The following B3GALT1 variants were observed in gnomAD, a reference collection of about 807,000 sequenced individuals.
B3GALT1 encodes the protein beta-1,3-galactosyltransferase 1.
B3GALT1 carries 10 observed loss-of-function variants against 23.2 expected under a neutral mutation model. The observed-to-expected ratio is 0.43, with a 90% confidence interval of 0.27 to 0.73. B3GALT1 has a LOEUF of 0.73. Ranked by LOEUF, B3GALT1 falls within the 30% of genes least tolerant of loss-of-function variation. The probability of loss-of-function intolerance (pLI) is 0.21; values close to 1 mark genes in which losing one functional copy is unlikely to be tolerated. For missense variants in B3GALT1, 299 were observed against 405.4 expected, an observed-to-expected ratio of 0.74 and a Z score of 2.25; for synonymous variants, 156 against 141.5, an observed-to-expected ratio of 1.10 and a Z score of -0.73.
rs574283356 is a variant in B3GALT1 at position 167,836,334 on chromosome 2, G to A, written c.-230+17541G>A. ...AACCAATACAGAGAAGTGCTTAAAG[G>A]AGCTGATGGAGCTGAAAGCCAAGGC... On this transcript the variant is annotated intron_variant, in intron 4 of 4. Transcript: ENST00000392690. Among the ~76,000 whole-genome samples the A allele has an allele frequency of 2.1e-4, 32 of 152,276 alleles. No homozygotes were observed. In the South Asian group the frequency reaches 6.6e-3, roughly 32 times the overall value.
chr2:167,614,300 A>G (rs1435949495), intron 2 of B3GALT1, among the ~76,000 whole-genome samples: 6 of 151,634 alleles, frequency 4.0e-5, no homozygotes, highest in African/African-American at 1.4e-4. Flanking sequence ...AACCCATTCA[A>G]TTTAAAATAA....
At chr2:167,445,310 GC>G (rs1242419895) in intron 1 of B3GALT1, among the ~76,000 whole-genome samples, 1 of 152,214 alleles carries the variant, frequency 6.6e-6, no homozygotes, top group Non-Finnish European at 1.5e-5. Flanking sequence ...TGGAATAAGT[GC>G]GATGTGGTGC....
At chr2:167,325,581 C>T (rs1696879371) in intron 1 of B3GALT1, among the ~76,000 whole-genome samples, 2 of 152,036 alleles carry the variant, frequency 1.3e-5, no homozygotes, top group African/African-American at 2.4e-5. Flanking sequence ...CCTCCAACAT[C>T]GGGGCTTACA....
At chr2:167,397,228 CCTTT>C (rs1698113644) in intron 1 of B3GALT1, among the ~76,000 whole-genome samples, 1 of 151,752 alleles carries the variant, frequency 6.6e-6, no homozygotes, top group African/African-American at 2.4e-5. Context: ...CTCTCTCCTT[CCTTT>C]CTTCCCTCCT....
intron 2 of B3GALT1, among the ~76,000 whole-genome samples, chr2:167,624,923 A>G (rs2105442285): frequency 6.6e-6 from 1 of 152,114 alleles, no homozygotes; most frequent in East Asian, 1.9e-4. Flanking sequence ...GGTCAATTCT[A>G]ACTGATCAAC....
At chr2:167,628,604 A>C (rs1350938697) in intron 2 of B3GALT1, among the ~76,000 whole-genome samples, 1 of 151,730 alleles carries the variant, frequency 6.6e-6, no homozygotes, top group Non-Finnish European at 1.5e-5. Flanking sequence ...AATAATTCTC[A>C]TTTTTAAATC....
intron 1 of B3GALT1, among the ~76,000 whole-genome samples, chr2:167,323,507 A>C: frequency 6.6e-6 from 1 of 151,494 alleles, no homozygotes; most frequent in East Asian, 1.9e-4. Context: ...CAAGATAGGC[A>C]GCAATATTAA....
intron 2 of B3GALT1, among the ~76,000 whole-genome samples, chr2:167,611,577 T>A (rs1685067518): frequency 6.6e-6 from 1 of 151,978 alleles, no homozygotes; most frequent in African/African-American, 2.4e-5. Context: ...ATAAAGATTA[T>A]TTATGGTGTA....
intron 1 of B3GALT1, among the ~76,000 whole-genome samples, chr2:167,342,488 G>C (rs1697164623): frequency 6.6e-6 from 1 of 151,932 alleles, no homozygotes; most frequent in Admixed American, 6.6e-5. Flanking sequence ...TACTCAGGAG[G>C]CTGAGGCAGG....
intron 4 of B3GALT1, among the ~76,000 whole-genome samples, chr2:167,843,363 C>T (rs191103055): frequency 6.6e-6 from 1 of 152,152 alleles, no homozygotes; most frequent in Admixed American, 6.5e-5. Flanking sequence ...TCCAGCCTGT[C>T]AGACTCCATC....
chr2:167,748,065 C>CA (rs1181022699), intron 3 of B3GALT1, among the ~76,000 whole-genome samples: 3 of 152,024 alleles, frequency 2.0e-5, no homozygotes, highest in African/African-American at 4.8e-5. Context: ...ATAAGAAATA[C>CA]AAAAAAGCTG....
chr2:167,333,268 T>G (rs966832295), intron 1 of B3GALT1, among the ~76,000 whole-genome samples: 1 of 152,188 alleles, frequency 6.6e-6, no homozygotes, highest in Non-Finnish European at 1.5e-5. Context: ...CTAAAGTAAT[T>G]ATGCAGAAAG....
chr2:167,816,895 A>T (rs997742949), intron 3 of B3GALT1, among the ~76,000 whole-genome samples: 2 of 152,180 alleles, frequency 1.3e-5, no homozygotes, highest in African/African-American at 4.8e-5. Context: ...CTCCTGTCTT[A>T]TGCTTACTTA....
At chr2:167,349,067 G>T (rs1697268092) in intron 1 of B3GALT1, among the ~76,000 whole-genome samples, 1 of 152,154 alleles carries the variant, frequency 6.6e-6, no homozygotes. Flanking sequence ...AATAAGTGGT[G>T]AAATAGGTAA....
intron 3 of B3GALT1, chr2:167,713,786 G>A: frequency 1.9e-6 from 3 of 1,592,670 alleles, no homozygotes; most frequent in South Asian, 1.1e-5. Flanking sequence ...ATGAAAGTAA[G>A]GAGGTAAACC....
At chr2:167,404,111 T>C (rs1698237500) in intron 1 of B3GALT1, among the ~76,000 whole-genome samples, 1 of 152,076 alleles carries the variant, frequency 6.6e-6, no homozygotes, top group African/African-American at 2.4e-5. Flanking sequence ...CTCAAGCTGC[T>C]TCCACTCATG....
intron 3 of B3GALT1, among the ~76,000 whole-genome samples, chr2:167,752,527 T>TA (rs1558968308): frequency 6.6e-6 from 1 of 151,080 alleles, no homozygotes; most frequent in Non-Finnish European, 1.5e-5. Context: ...TTTTTTTTTT[T>TA]AAATAAACTG....
chr2:167,642,019 C>A (rs1685661123), intron 2 of B3GALT1, among the ~76,000 whole-genome samples: 1 of 152,202 alleles, frequency 6.6e-6, no homozygotes, highest in African/African-American at 2.4e-5. Context: ...GTTCTGTTCT[C>A]CATGAAATAG....
intron 2 of B3GALT1, among the ~76,000 whole-genome samples, chr2:167,491,172 T>G (rs1332974795): frequency 6.6e-6 from 1 of 152,136 alleles, no homozygotes; most frequent in African/African-American, 2.4e-5. Flanking sequence ...TTCTGTTGTG[T>G]TAGTAGTCAT....
Sources: allele counts gnomAD v4.1 joint callset (sites outside exome capture counted in the v4.1 genomes callset), GRCh38; gene constraint gnomAD v4.1.1; transcripts MANE v1.5; gene names NCBI Gene and HGNC (gene_info 2026-07-23, HGNC 2026-07-21).